MCUB: variants seen among roughly 807,000 people sequenced by gnomAD.
MCUB encodes calcium uniporter regulatory subunit MCUb, mitochondrial.
Under a neutral mutation model 41.4 loss-of-function variants are expected in MCUB, and 46 were observed. That is an observed-to-expected ratio of 1.11 (90% CI 0.88 to 1.42). The LOEUF is 1.42. Ranked by LOEUF, MCUB falls within the 40% of genes most tolerant of loss-of-function variation. The pLI is 0.00. For synonymous variants in MCUB, 148 were observed against 148.2 expected (o/e 1.00, Z 0.01); for missense variants, 403 against 404.9 (o/e 1.00, Z 0.04).
rs200987942 is a variant in MCUB, at chr4:109,684,632, A to G, written c.802A>G (p.Ile268Val). The change falls in exon 6 of 8, where the codon ATA becomes GTA. Residue 268 changes from isoleucine (I) to valine (V), a missense_variant. By Grantham distance (29) the Ile-to-Val change is conservative. Coordinates refer to ENST00000394650, the MANE Select transcript of MCUB (RefSeq NM_017918.5). ...ANSMVFFAYF[I>V]VTRQDYTYSA... ...TTCTATGGTCTTTTTTGCATACTTT[A>G]TAGTCACTCGACAGGTGAGTAGTTT... The G allele has an allele frequency of 2.7e-6, 4 of 1,492,792 alleles. No individual in the cohort carries two copies. The East Asian group carries it at 6.8e-5, about 25-fold the overall frequency. 92.5% of individuals were successfully genotyped at this position (1,492,792 alleles called of 1,614,324 possible).
chr4:109,619,483 A>G (rs1728206150), intron 1 of MCUB, among the ~76,000 whole-genome samples: 1 of 152,156 alleles, frequency 6.6e-6, no homozygotes, highest in African/African-American at 2.4e-5. Context: ...TGAGGCAGGC[A>G]GATCATGAGA....
intron 4 of MCUB, chr4:109,681,528 G>C (rs540989507): frequency 2.3e-6 from 1 of 436,854 alleles, no homozygotes; most frequent in South Asian, 1.6e-5. Context: ...CTGACCTGGG[G>C]TTCTTGGCCT....
At chr4:109,585,515 C>T (rs1295599042) in intron 1 of MCUB, among the ~76,000 whole-genome samples, 1 of 152,074 alleles carries the variant, frequency 6.6e-6, no homozygotes, top group Non-Finnish European at 1.5e-5. Flanking sequence ...TTATTTTACC[C>T]GTTAGTTGAT....
At chr4:109,678,123 C>T (rs113533964) in intron 4 of MCUB, among the ~76,000 whole-genome samples, 5,656 of 151,784 alleles carry the variant, frequency 0.037, 365 homozygotes, top group African/African-American at 0.13. Context: ...TCAGAGAGCA[C>T]GGGGTTGGGG....
At chr4:109,621,099 C>T (rs947392546) in intron 1 of MCUB, among the ~76,000 whole-genome samples, 3 of 152,080 alleles carry the variant, frequency 2.0e-5, no homozygotes, top group Non-Finnish European at 4.4e-5. Context: ...CGGGGTTTCA[C>T]CATGTAGGTC....
At position 109,687,753 on chromosome 4, in the gene MCUB, T is replaced by G; in HGVS notation, c.*161T>G. ...AGTTCTCAACTGAGATTTTTACTTT[T>G]TGGATTTTTATGACTTGCTAATGTT... On this transcript the variant is annotated 3_prime_UTR_variant, in exon 8 of 8. Transcript: ENST00000394650. 1.7e-6 allele frequency: 1 copy of G among 598,216 alleles called. No homozygotes were observed. Among genetic ancestry groups the G allele is most frequent in the Non-Finnish European group, 2.9e-6 (1 of 342,418 alleles). The allele number at this position is 598,216 out of a possible 1,614,324, so 37.1% of individuals were successfully genotyped here.
chr4:109,672,595 G>A (rs1729481993), intron 4 of MCUB, among the ~76,000 whole-genome samples: 1 of 152,158 alleles, frequency 6.6e-6, no homozygotes, highest in Non-Finnish European at 1.5e-5. Flanking sequence ...ATAATAGAAG[G>A]CTCTTACTTA....
intron 1 of MCUB, among the ~76,000 whole-genome samples, chr4:109,573,032 T>C (rs140946802): frequency 6.6e-6 from 1 of 152,234 alleles, no homozygotes; most frequent in African/African-American, 2.4e-5. Context: ...TGCCCAGCAA[T>C]GTCAAAACAT....
chr4:109,624,348 T>C (rs993286425), intron 1 of MCUB, among the ~76,000 whole-genome samples: 2 of 152,252 alleles, frequency 1.3e-5, no homozygotes, highest in African/African-American at 4.8e-5. Context: ...TGAATCTGGC[T>C]GAATGCTCCT....
intron 1 of MCUB, among the ~76,000 whole-genome samples, chr4:109,656,387 T>G (rs1461601382): frequency 0.099 from 4,040 of 40,822 alleles, 406 homozygotes; most frequent in African/African-American, 0.34. Context: ...TTTTTTTTTT[T>G]TTTTTGGAGA....
At chr4:109,650,909 C>T (rs893371196) in intron 1 of MCUB, among the ~76,000 whole-genome samples, 2 of 152,062 alleles carry the variant, frequency 1.3e-5, no homozygotes, top group Non-Finnish European at 2.9e-5. Context: ...TCTGGTATTT[C>T]CTTGTGATTT....
intron 1 of MCUB, among the ~76,000 whole-genome samples, chr4:109,572,924 A>C (rs897208194): frequency 6.6e-6 from 1 of 152,168 alleles, no homozygotes; most frequent in African/African-American, 2.4e-5. Flanking sequence ...TCAATTAATG[A>C]GTTGTCCAAA....
At chr4:109,606,115 C>T (rs1443569490) in intron 1 of MCUB, among the ~76,000 whole-genome samples, 1 of 152,148 alleles carries the variant, frequency 6.6e-6, no homozygotes, top group Non-Finnish European at 1.5e-5. Context: ...GCTGGGACTA[C>T]AGGCACCTGC....
At chr4:109,632,265 G>C (rs902931909) in intron 1 of MCUB, among the ~76,000 whole-genome samples, 1 of 151,936 alleles carries the variant, frequency 6.6e-6, no homozygotes, top group Non-Finnish European at 1.5e-5. Context: ...GTTTTGAAAA[G>C]ATTAAAAAAA....
chr4:109,620,063 T>C (rs1006588308), intron 1 of MCUB, among the ~76,000 whole-genome samples: 1 of 152,162 alleles, frequency 6.6e-6, no homozygotes, highest in Non-Finnish European at 1.5e-5. Flanking sequence ...TTCTGAGGCC[T>C]CTAGGCATCA....
chr4:109,641,994 A>G (rs1728725161), intron 1 of MCUB, among the ~76,000 whole-genome samples: 1 of 152,248 alleles, frequency 6.6e-6, no homozygotes, highest in African/African-American at 2.4e-5. Flanking sequence ...ATGTCTGTAT[A>G]CAAAATTCTA....
chr4:109,568,807 C>T (rs996974466), intron 1 of MCUB, among the ~76,000 whole-genome samples: 1 of 152,122 alleles, frequency 6.6e-6, no homozygotes, highest in Non-Finnish European at 1.5e-5. Flanking sequence ...CCCCTCTGCC[C>T]TGGCACAGTA....
intron 1 of MCUB, among the ~76,000 whole-genome samples, chr4:109,646,784 T>A (rs1224904501): frequency 6.6e-6 from 1 of 152,182 alleles, no homozygotes; most frequent in African/African-American, 2.4e-5. Flanking sequence ...CACATGGTGT[T>A]CTGTCTGGAA....
intron 6 of MCUB, chr4:109,684,902 C>T (rs1729802437): frequency 2.5e-6 from 1 of 396,372 alleles, no homozygotes; most frequent in Non-Finnish European, 4.5e-6. Context: ...TCTCTGTGCC[C>T]TCATTTATAA....
Sources: gnomAD v4.1 joint callset for allele counts (sites outside exome capture counted in the v4.1 genomes callset) on GRCh38, gnomAD v4.1.1 for gene constraint, MANE v1.5 for transcripts, NCBI Gene and HGNC (gene_info 2026-07-23, HGNC 2026-07-21) for gene names.